Variants in MACF1 observed in about 807,000 individuals in gnomAD.
The protein encoded by MACF1 is microtubule-actin cross-linking factor 1.
A neutral mutation model predicts 854.8 loss-of-function variants in MACF1; 193 were observed. The ratio of observed to expected loss-of-function variants is 0.23; its 90% CI spans 0.20 to 0.25. The LOEUF is 0.25. Ranked by LOEUF, MACF1 falls within the 10% of genes least tolerant of loss-of-function variation. The pLI is 1.00. For missense variants in MACF1, 7,722 were observed against 8,929.1 expected (o/e 0.86, Z 5.45); for synonymous variants, 3,185 against 3,226.7 (o/e 0.99, Z 0.44).
chr1:39,326,696 AAAAAAG>A (rs1646620193), intron 35 of MACF1, among the ~76,000 whole-genome samples: 1 of 147,010 alleles, frequency 6.8e-6, no homozygotes, highest in East Asian at 2.0e-4. Context: ...AAAAAAAAAA[AAAAAAG>A]AGAGAAGAAA....
At chr1:39,213,278 T>C (rs946783616) in intron 1 of MACF1, among the ~76,000 whole-genome samples, 68 of 152,116 alleles carry the variant, frequency 4.5e-4, no homozygotes, top group Middle Eastern at 7.1e-3. Flanking sequence ...ACCTTCTAAA[T>C]GTGATAGAGA....
intron 97 of MACF1, among the ~76,000 whole-genome samples, chr1:39,477,073 A>ACACTTAGTG (rs1481277864): frequency 6.3e-4 from 24 of 37,858 alleles, no homozygotes; most frequent in Middle Eastern, 0.012. Context: ...ATATATATAT[A>ACACTTAGTG]TATATATATA....
chr1:39,335,414 G>T lies in MACF1; in HGVS notation c.8826G>T (p.Val2942=). 6.2e-7 allele frequency: 1 copy of T among 1,614,166 alleles called. No individual in the cohort carries two copies. The highest frequency in any genetic ancestry group is 1.1e-5 in the South Asian group (1 of 91,064). ...SEEIRENQGE[V]ILEVQETYCE... The stretch of plus-strand genomic sequence containing the variant: ...AAATAAGAGAAAATCAAGGGGAAGT[G>T]ATTTTGGAAGTACAAGAAACATATT... The change falls in exon 37 of 101, where the codon GTG becomes GTT. Residue 2942 remains valine, a synonymous_variant. Coordinates refer to ENST00000564288, the MANE Select transcript of MACF1 (RefSeq NM_001394062.1).
chr1:39,264,764 C>T (rs1388459094), intron 6 of MACF1, among the ~76,000 whole-genome samples: 2 of 151,014 alleles, frequency 1.3e-5, no homozygotes, highest in Non-Finnish European at 2.9e-5. Context: ...AGCTCCGCTT[C>T]CCGGGTTCAC....
Position 39,326,090 on chromosome 1 carries a change from A to G in MACF1, c.4479-1128A>G, listed in dbSNP as rs539055950. Among the ~76,000 whole-genome samples the G allele has an allele frequency of 5.3e-5, 8 of 152,260 alleles. 1 individual carries two copies. The South Asian group carries it at 1.7e-3, about 32-fold the overall frequency. ...GGATAATGGTAAGGAACTGATCAAG[A>G]ATATGGATTGTGGGGTCTGGCCTCT... On this transcript the variant is annotated intron_variant, in intron 35 of 100. Coordinates refer to ENST00000564288, the MANE Select transcript of MACF1 (RefSeq NM_001394062.1).
chr1:39,264,404 C>T (rs1645205731), intron 6 of MACF1, among the ~76,000 whole-genome samples: 1 of 152,124 alleles, frequency 6.6e-6, no homozygotes, highest in African/African-American at 2.4e-5. Context: ...GCCTGGATGC[C>T]TGCATTAGTA....
At chr1:39,393,196 A>AAAAAAAAAAATATATATATATATAT (rs57576149) in intron 58 of MACF1, among the ~76,000 whole-genome samples, 11 of 66,554 alleles carry the variant, frequency 1.7e-4, no homozygotes, top group African/African-American at 7.6e-4. Flanking sequence ...AAAAAAAAAA[A>AAAAAAAAAAATATATATATATATAT]ATATATATAT....
Position 39,204,869 on chromosome 1 carries a change from G to C in MACF1, c.-154G>C, listed in dbSNP as rs541915033. 1.6e-6 allele frequency: 1 copy of C among 609,602 alleles called. No homozygotes were observed. The highest frequency in any genetic ancestry group is 2.8e-5 in the East Asian group (1 of 36,306). The allele number at this position is 609,602 out of a possible 1,614,324, so 37.8% of individuals were successfully genotyped here. A position where few individuals can be genotyped will look rare whatever the true frequency, so the allele number is the denominator to read the frequency against. On this transcript the variant is annotated 5_prime_UTR_variant, in exon 1 of 101. Coordinates refer to ENST00000564288, the MANE Select transcript of MACF1 (RefSeq NM_001394062.1). ...CTGAAAAACAGTCAGAAGTGAGATG[G>C]AGGAGAAGCTGCCAGGAAGTTTCTG...
At position 39,442,776 on chromosome 1, in the gene MACF1, T is replaced by C. The variant is rs138532677; in HGVS notation, c.19167T>C (p.Asn6389=). The part of the protein sequence containing the change: ...ATVETVNKAG[N]ELLESSAGDD... ...TGGAAACAGTCAACAAAGCTGGCAA[T>C]GAGCTTCTTGAATCCAGTGCTGGAG... The change falls in exon 78 of 101, where the codon AAT becomes AAC. Residue 6389 remains asparagine, a synonymous_variant. Transcript: ENST00000564288. The C allele has an allele frequency of 6.2e-7, 1 of 1,614,016 alleles. No homozygotes were observed. The highest frequency in any genetic ancestry group is 1.3e-5 in the African/African-American group (1 of 75,062).
At chr1:39,254,421 A>ATTGG (rs1458743414) in intron 5 of MACF1, 46 bp downstream of exon 5, 36 of 1,550,572 alleles carry the variant, frequency 2.3e-5, no homozygotes, top group Non-Finnish European at 2.3e-5. Context: ...CTGTGTTGGC[A>ATTGG]TTGGGGCCCT....
At chr1:39,131,324 C>A (rs1642999574) in intron 2 of MACF1, among the ~76,000 whole-genome samples, 1 of 151,126 alleles carries the variant, frequency 6.6e-6, no homozygotes, top group Admixed American at 6.6e-5. Context: ...GCCATCATGC[C>A]CAGCTCAGTT....
chr1:39,174,102 T>C (rs976843518), intron 2 of MACF1, among the ~76,000 whole-genome samples: 1 of 152,198 alleles, frequency 6.6e-6, no homozygotes, highest in Non-Finnish European at 1.5e-5. Flanking sequence ...CAGTTTTTGG[T>C]CATTGCTTCT....
At chr1:39,426,902 C>G (rs1211944118) in intron 61 of MACF1, among the ~76,000 whole-genome samples, 1 of 151,786 alleles carries the variant, frequency 6.6e-6, no homozygotes, top group African/African-American at 2.4e-5. Flanking sequence ...TTACCAGAAG[C>G]CTGACTGGAT....
In MACF1 at chr1:39,357,706, G is replaced by A. The variant is rs753554779; in HGVS notation, c.11756G>A (p.Arg3919Gln). 6.8e-6 allele frequency: 11 copies of A among 1,613,954 alleles called. No individual in the cohort carries two copies. Among genetic ancestry groups the A allele is most frequent in the African/African-American group, 2.7e-5 (2 of 74,888 alleles). Residue 3919 changes from arginine to glutamine, a missense_variant, in exon 45 of 101, where the codon CGG becomes CAG. Transcript: ENST00000564288. ...SPETLPSLLKRQGSFSEDVIS... is the reference protein window; with the variant it reads ...SPETLPSLLKQQGSFSEDVIS... ...GAGACCCTTCCCTCCCTGCTAAAGC[G>A]GCAAGGAAGCTTCTCAGAGGATGTC... is the stretch of plus-strand genomic sequence containing the variant.
chr1:39,232,480 G>A (rs1157339212), intron 2 of MACF1, among the ~76,000 whole-genome samples: 3 of 152,010 alleles, frequency 2.0e-5, no homozygotes, highest in African/African-American at 7.3e-5. Context: ...TTTTCTGCCT[G>A]TTTCACTGGC....
Position 39,340,662 on chromosome 1 carries a change from G to A in MACF1, c.10376G>A (p.Ser3459Asn), listed in dbSNP as rs1646916341. The change falls in exon 39 of 101, where the codon AGT becomes AAT. Residue 3459 changes from serine (S) to asparagine (N), a missense_variant. Coordinates refer to ENST00000564288, the MANE Select transcript of MACF1 (RefSeq NM_001394062.1). ...CTTCAGAAGTCTCTCAGCTCTGTGA[G>A]TGACACTTGGAATTCCAGGCTACTC... The part of the protein sequence containing the change: ...KNLQKSLSSV[S>N]DTWNSRLLHF... 1 of 1,614,084 alleles carries A rather than the reference G, an allele frequency of 6.2e-7. No individual in the cohort carries two copies. The highest frequency in any genetic ancestry group is 1.3e-5 in the African/African-American group (1 of 74,926).
intron 6 of MACF1, among the ~76,000 whole-genome samples, chr1:39,273,580 C>CT (rs950141906): frequency 3.9e-5 from 6 of 151,944 alleles, no homozygotes; most frequent in African/African-American, 7.3e-5. Context: ...TAGTTTAGAA[C>CT]TTTAAGAAAG....
intron 84 of MACF1, 109 bp downstream of exon 84, chr1:39,448,872 G>C: frequency 1.3e-6 from 1 of 793,860 alleles, no homozygotes; most frequent in Non-Finnish European, 1.9e-6. Context: ...AAGAGGTTTT[G>C]TACCATCTTA....
intron 2 of MACF1, among the ~76,000 whole-genome samples, chr1:39,157,854 G>A (rs539548003): frequency 1.3e-5 from 2 of 152,066 alleles, no homozygotes; most frequent in Non-Finnish European, 2.9e-5. Flanking sequence ...CTGCAGGAAC[G>A]TACCACCACA....
Sources: gnomAD v4.1 joint callset for allele counts (sites outside exome capture counted in the v4.1 genomes callset) on GRCh38, gnomAD v4.1.1 for gene constraint, MANE v1.5 for transcripts, NCBI Gene and HGNC (gene_info 2026-07-23, HGNC 2026-07-21) for gene names.